BCAS3: variants seen among roughly 807,000 people sequenced by gnomAD.
BCAS3 encodes the protein BCAS4/BCAS3 fusion.
A neutral mutation model predicts 116.1 loss-of-function variants in BCAS3; 53 were observed. That is an observed-to-expected ratio of 0.46 (90% confidence interval 0.37 to 0.57). The LOEUF (loss-of-function observed/expected upper bound fraction) is 0.57, where lower values mean the gene tolerates loss of function less well. Among genes scored for constraint, BCAS3 ranks in the 20% least tolerant of loss-of-function variants. The probability of loss-of-function intolerance (pLI) is 0.00; values close to 1 mark genes in which losing one functional copy is unlikely to be tolerated. For missense variants in BCAS3, 917 were observed against 1,165.4 expected, an observed-to-expected ratio of 0.79 and a Z score of 3.10; for synonymous variants, 391 against 408.2, an observed-to-expected ratio of 0.96 and a Z score of 0.51.
chr17:61,358,756 A>G (rs2058291582), intron 22 of BCAS3, among the ~76,000 whole-genome samples: 1 of 152,008 alleles, frequency 6.6e-6, no homozygotes. Context: ...TCAGCCTCCC[A>G]AAGTGCTGGG....
chr17:60,760,896 A>G (rs553252540), intron 6 of BCAS3, among the ~76,000 whole-genome samples: 2 of 152,166 alleles, frequency 1.3e-5, no homozygotes, highest in South Asian at 4.1e-4. Context: ...GGCTTTGCTC[A>G]TTCTTTTTCA....
Position 61,333,900 on chromosome 17 carries a change from A to C in BCAS3, c.2426-34427A>C, listed in dbSNP as rs2056497827. Among the ~76,000 whole-genome samples the C allele has an allele frequency of 6.6e-6, 1 of 152,178 alleles. No individual in the cohort carries two copies. The highest frequency in any genetic ancestry group is 2.1e-4 in the South Asian group (1 of 4,830). On this transcript the variant is annotated intron_variant, in intron 22 of 23. Coordinates refer to ENST00000407086, the MANE Select transcript of BCAS3 (RefSeq NM_017679.5). This position sits in a 1 kb window ranked among gnomAD's most constrained non-coding sequence, Gnocchi z 4.8. ...CTCCCAAAGTGCTGGGATTACAGGC[A>C]TGAGCCATGGTACCCTGCCAAGTTC... is the stretch of plus-strand genomic sequence containing the variant.
At chr17:60,924,307 T>A in intron 12 of BCAS3, 100 bp from the exon 13 acceptor site, 1 of 919,174 alleles carries the variant, frequency 1.1e-6, no homozygotes, top group Non-Finnish European at 1.8e-6. Flanking sequence ...TGGAAACATG[T>A]TATTTGGTCA....
At chr17:61,137,329 G>T (rs1467200287) in intron 22 of BCAS3, among the ~76,000 whole-genome samples, 1 of 152,068 alleles carries the variant, frequency 6.6e-6, no homozygotes, top group Non-Finnish European at 1.5e-5. Context: ...CATTCCATCT[G>T]ACCATGTTGC....
intron 5 of BCAS3, among the ~76,000 whole-genome samples, chr17:60,734,820 T>C (rs985030786): frequency 6.6e-6 from 1 of 152,218 alleles, no homozygotes; most frequent in Non-Finnish European, 1.5e-5. Flanking sequence ...TTTTTACCTC[T>C]CCATAGAAAC....
At chr17:61,358,859 C>G (rs1484984383) in intron 22 of BCAS3, among the ~76,000 whole-genome samples, 4 of 152,052 alleles carry the variant, frequency 2.6e-5, no homozygotes, top group Admixed American at 6.6e-5. Flanking sequence ...TATTCCTGCC[C>G]GAAACAGTCA....
At chr17:61,125,652 C>T (rs2076012665) in intron 22 of BCAS3, among the ~76,000 whole-genome samples, 2 of 152,088 alleles carry the variant, frequency 1.3e-5, no homozygotes, top group East Asian at 3.9e-4. Context: ...CAACAGAGTA[C>T]TTTACAACAT....
intron 5 of BCAS3, among the ~76,000 whole-genome samples, chr17:60,741,779 A>G (rs1044019374): frequency 1.3e-5 from 2 of 152,198 alleles, no homozygotes; most frequent in Admixed American, 6.5e-5. Flanking sequence ...AATTGGTACA[A>G]TCACATTGGA....
At position 61,198,428 on chromosome 17, in the gene BCAS3, CTG is replaced by C. The variant is rs1431293364; in HGVS notation, c.2425+113867_2425+113868del. On this transcript the variant is annotated intron_variant, in intron 22 of 23. Transcript: ENST00000407086. This position sits in a 1 kb window ranked among gnomAD's most constrained non-coding sequence, Gnocchi z 5.0. Reference sequence around the variant, plus strand: ...GTGCTGGGATTACAGGCCTGAGCCACTGTGCCCAGCCCGATATGTTGATTTTC... The same window carrying C: ...GTGCTGGGATTACAGGCCTGAGCCACTGCCCAGCCCGATATGTTGATTTTC... Among the ~76,000 whole-genome samples the C allele has an allele frequency of 1.3e-5, 2 of 152,220 alleles. No homozygotes were observed. The highest frequency in any genetic ancestry group is 6.5e-5 in the Admixed American group (1 of 15,286).
chr17:61,322,154 G>C (rs577230206), intron 22 of BCAS3, among the ~76,000 whole-genome samples: 1 of 152,072 alleles, frequency 6.6e-6, no homozygotes, highest in East Asian at 1.9e-4. Flanking sequence ...GGCTGGTCTC[G>C]AACTCCCAAC....
At chr17:61,154,936 G>T (rs1192798354) in intron 22 of BCAS3, among the ~76,000 whole-genome samples, 1 of 151,122 alleles carries the variant, frequency 6.6e-6, no homozygotes. Context: ...TTTGGTGGGG[G>T]GTGTTTGGCT....
chr17:60,866,585 C>T (rs530098729), intron 7 of BCAS3, among the ~76,000 whole-genome samples: 5 of 152,246 alleles, frequency 3.3e-5, no homozygotes, highest in South Asian at 2.1e-4. Context: ...TTCTACCTTA[C>T]GAAAGAGTTC....
chr17:60,809,949 C>A (rs1020101015), intron 7 of BCAS3, among the ~76,000 whole-genome samples: 1 of 152,142 alleles, frequency 6.6e-6, no homozygotes, highest in African/African-American at 2.4e-5. Context: ...ACAGAGAAAT[C>A]AGCAACTGCA....
intron 16 of BCAS3, chr17:61,027,212 G>C: frequency 4.6e-6 from 2 of 432,026 alleles, no homozygotes; most frequent in East Asian, 8.6e-5. Flanking sequence ...TAACACCCAA[G>C]TTTAAAGCTT....
At chr17:61,046,612 A>G (rs1276886986) in intron 19 of BCAS3, among the ~76,000 whole-genome samples, 1 of 151,978 alleles carries the variant, frequency 6.6e-6, no homozygotes, top group African/African-American at 2.4e-5. Flanking sequence ...AATCATGACA[A>G]GAAAAAAGTC....
rs570270482 is a variant in BCAS3, at chr17:61,118,950, G to A, written c.2425+34386G>A. Among the ~76,000 whole-genome samples, 2 of 151,804 alleles carry A rather than the reference G, an allele frequency of 1.3e-5. No individual in the cohort carries two copies. Among genetic ancestry groups the A allele is most frequent in the Admixed American group, 6.6e-5 (1 of 15,238 alleles). ...TGCTTTTTAAATTATCTTCCAAAAC[G>A]TTGACAGTTTCTGTGTTTGTCAATT... On this transcript the variant is annotated intron_variant, in intron 22 of 23. Transcript: ENST00000407086. The surrounding 1 kb of genome is among the most constrained non-coding windows in gnomAD (Gnocchi z 5.0).
intron 14 of BCAS3, among the ~76,000 whole-genome samples, chr17:60,954,056 G>T (rs975057848): frequency 1.3e-5 from 2 of 152,112 alleles, no homozygotes; most frequent in African/African-American, 4.8e-5. Flanking sequence ...TAAGGAAGGG[G>T]TTCAGTTTCA....
intron 13 of BCAS3, among the ~76,000 whole-genome samples, chr17:60,942,004 A>G (rs2060247850): frequency 6.6e-6 from 1 of 152,226 alleles, no homozygotes; most frequent in Non-Finnish European, 1.5e-5. Context: ...TTTGTTACAG[A>G]GAGGTGGAGT....
chr17:60,988,338 CTTTTTTTTTTT>C (rs71148317), intron 14 of BCAS3, among the ~76,000 whole-genome samples: 11 of 66,762 alleles, frequency 1.6e-4, no homozygotes, highest in South Asian at 8.4e-4. Context: ...TTTTCTTTTT[CTTTTTTTTTTT>C]TTTTTTTTTT....
Sources: allele counts gnomAD v4.1 joint callset (sites outside exome capture counted in the v4.1 genomes callset), GRCh38; gene constraint gnomAD v4.1.1; non-coding constraint Gnocchi (gnomAD v3.1); transcripts MANE v1.5; gene names NCBI Gene and HGNC (gene_info 2026-07-23, HGNC 2026-07-21).